ATXN1: variants seen among roughly 807,000 people sequenced by gnomAD.
ATXN1 encodes the protein ataxin 1.
A neutral mutation model predicts 56.4 loss-of-function variants in ATXN1; 8 were observed. The observed-to-expected ratio is 0.14, with a 90% CI of 0.08 to 0.26. The LOEUF is 0.26. ATXN1 is among the 10% of genes least tolerant of loss of function. The pLI is 1.00. For synonymous variants in ATXN1, 514 were observed against 494.6 expected (o/e 1.04, Z -0.52); for missense variants, 987 against 1,106.5 (o/e 0.89, Z 1.53).
intron 3 of ATXN1, among the ~76,000 whole-genome samples, chr6:16,612,050 G>A (rs953032063): frequency 2.6e-5 from 4 of 151,538 alleles, no homozygotes; most frequent in Admixed American, 6.6e-5. Context: ...TAGTAGAGAC[G>A]GGGTTTCACC....
In ATXN1 at chr6:16,389,851, C is replaced by T. The variant is rs145637346; in HGVS notation, c.-160-61381G>A. Reference sequence around the variant, plus strand: ...TAAATGCTTAACCTGTTCCTTCCAACAGCAGGTGTCATGTGCAATGACATG... The same window carrying T: ...TAAATGCTTAACCTGTTCCTTCCAATAGCAGGTGTCATGTGCAATGACATG... On this transcript the variant is annotated intron_variant, in intron 6 of 7. Coordinates refer to ENST00000436367, the MANE Select transcript of ATXN1 (RefSeq NM_001128164.2). Among the ~76,000 whole-genome samples the T allele has an allele frequency of 9.6e-3, 1,465 of 152,274 alleles. 12 individuals carry two copies. Among genetic ancestry groups the T allele is most frequent in the Non-Finnish European group, 0.014 (930 of 68,016 alleles).
At chr6:16,623,081 T>A (rs1435032723) in intron 3 of ATXN1, among the ~76,000 whole-genome samples, 26 of 152,212 alleles carry the variant, frequency 1.7e-4, no homozygotes, top group Admixed American at 1.7e-3. Flanking sequence ...TTTGATCATA[T>A]CATAATTTGT....
intron 3 of ATXN1, among the ~76,000 whole-genome samples, chr6:16,610,254 A>AAACC (rs141382992): frequency 0.078 from 11,816 of 151,630 alleles, 729 homozygotes; most frequent in African/African-American, 0.17. Flanking sequence ...AATACAGAGT[A>AAACC]AACCAACCAA....
intron 2 of ATXN1, chr6:16,737,864 A>G (rs187807753): frequency 6.6e-6 from 1 of 152,336 alleles, no homozygotes; most frequent in East Asian, 1.9e-4. Context: ...AACAAAAAAA[A>G]AAGTAGTTTC....
chr6:16,527,813 T>C (rs1761423617), intron 4 of ATXN1, among the ~76,000 whole-genome samples: 1 of 152,232 alleles, frequency 6.6e-6, no homozygotes, highest in South Asian at 2.1e-4. Context: ...GAATATGAAC[T>C]GAGCTACTTT....
chr6:16,503,786 G>A (rs899066737), intron 5 of ATXN1, among the ~76,000 whole-genome samples: 1 of 152,080 alleles, frequency 6.6e-6, no homozygotes, highest in Non-Finnish European at 1.5e-5. Flanking sequence ...AAATATTTAT[G>A]TAAATATACA....
intron 4 of ATXN1, among the ~76,000 whole-genome samples, chr6:16,533,780 C>T (rs758349701): frequency 4.6e-5 from 7 of 152,110 alleles, no homozygotes; most frequent in African/African-American, 1.4e-4. Flanking sequence ...TTAGGTGACT[C>T]GTTTGAAATG....
At chr6:16,660,350 T>C (rs1001629414) in intron 2 of ATXN1, among the ~76,000 whole-genome samples, 5 of 152,204 alleles carry the variant, frequency 3.3e-5, no homozygotes, top group Non-Finnish European at 7.3e-5. Context: ...ATGTGAAAGT[T>C]GGCTATATTT....
intron 3 of ATXN1, chr6:16,652,107 A>ACT (rs1376613112): frequency 1.3e-5 from 2 of 152,236 alleles, no homozygotes; most frequent in Non-Finnish European, 2.9e-5. Flanking sequence ...GGACTTAGAC[A>ACT]ATCATTAGCC....
intron 6 of ATXN1, among the ~76,000 whole-genome samples, chr6:16,447,326 A>G (rs192611324): frequency 1.3e-5 from 2 of 152,240 alleles, no homozygotes; most frequent in Admixed American, 1.3e-4. Context: ...TTGGGTTCAA[A>G]CTATTCTCCT....
At chr6:16,708,757 G>A (rs543634241) in intron 2 of ATXN1, among the ~76,000 whole-genome samples, 4 of 152,212 alleles carry the variant, frequency 2.6e-5, no homozygotes, top group East Asian at 1.9e-4. Flanking sequence ...CAGGCACGGT[G>A]TCTCATGCCT....
chr6:16,404,025 CT>C (rs944819743), intron 6 of ATXN1, among the ~76,000 whole-genome samples: 1 of 152,006 alleles, frequency 6.6e-6, no homozygotes, highest in African/African-American at 2.4e-5. Flanking sequence ...TGAAAAGTTA[CT>C]GCTTTGTGGG....
intron 4 of ATXN1, among the ~76,000 whole-genome samples, chr6:16,567,398 C>A (rs1354174912): frequency 6.6e-6 from 1 of 152,200 alleles, no homozygotes; most frequent in African/African-American, 2.4e-5. Flanking sequence ...TTTAACTACA[C>A]TGGCATCAAA....
intron 6 of ATXN1, among the ~76,000 whole-genome samples, chr6:16,345,105 A>C (rs1317302925): frequency 1.3e-5 from 2 of 152,136 alleles, no homozygotes; most frequent in Non-Finnish European, 2.9e-5. Context: ...AAGGCAAAGG[A>C]TTTCTGGATC....
At chr6:16,670,145 C>T (rs750343973) in intron 2 of ATXN1, among the ~76,000 whole-genome samples, 1 of 152,184 alleles carries the variant, frequency 6.6e-6, no homozygotes, top group African/African-American at 2.4e-5. Context: ...CTGCCTTCCC[C>T]CTTATTCCAC....
chr6:16,513,905 G>A (rs1217840170), intron 5 of ATXN1, among the ~76,000 whole-genome samples: 1 of 152,174 alleles, frequency 6.6e-6, no homozygotes, highest in Non-Finnish European at 1.5e-5. Context: ...CAAGATGTCA[G>A]GAATTCTCTT....
At chr6:16,618,262 G>T (rs896047483) in intron 3 of ATXN1, among the ~76,000 whole-genome samples, 1 of 152,084 alleles carries the variant, frequency 6.6e-6, no homozygotes, top group Non-Finnish European at 1.5e-5. Context: ...GGGGCCTGTC[G>T]GAGGGAGGGA....
intron 5 of ATXN1, among the ~76,000 whole-genome samples, chr6:16,513,641 G>C (rs1761123832): frequency 6.6e-6 from 1 of 152,212 alleles, no homozygotes; most frequent in African/African-American, 2.4e-5. Flanking sequence ...ATGATCAAGA[G>C]CGTCACGTGT....
chr6:16,685,008 A>G (rs1758887753), intron 2 of ATXN1, among the ~76,000 whole-genome samples: 1 of 148,468 alleles, frequency 6.7e-6, no homozygotes, highest in Non-Finnish European at 1.5e-5. Flanking sequence ...ATATTTGTTA[A>G]CTTCTACAGA....
Sources: allele counts gnomAD v4.1 joint callset (sites outside exome capture counted in the v4.1 genomes callset), GRCh38; gene constraint gnomAD v4.1.1; transcripts MANE v1.5; gene names NCBI Gene and HGNC (gene_info 2026-07-23, HGNC 2026-07-21).